Variants in EPHA3 observed in about 807,000 individuals in gnomAD.
EPHA3 encodes the protein ephrin type-A receptor 3.
In EPHA3, 42 loss-of-function variants were observed where a neutral mutation model predicts 107.1. The observed-to-expected ratio is 0.39, with a 90% CI of 0.31 to 0.51. EPHA3 has a LOEUF of 0.51. EPHA3 is among the 20% of genes least tolerant of loss of function. EPHA3 has a pLI of 0.78. For missense variants in EPHA3, 1,183 were observed against 1,211.2 expected (o/e 0.98, Z 0.35); for synonymous variants, 461 against 424.8 (o/e 1.09, Z -1.05).
intron 5 of EPHA3, among the ~76,000 whole-genome samples, chr3:89,347,919 A>T (rs577317046): frequency 6.6e-6 from 1 of 151,368 alleles, no homozygotes; most frequent in Admixed American, 6.6e-5. Context: ...GATTACATTT[A>T]TTGATTTGTG....
At chr3:89,397,830 G>A (rs2091719588) in intron 6 of EPHA3, among the ~76,000 whole-genome samples, 1 of 152,066 alleles carries the variant, frequency 6.6e-6, no homozygotes, top group Non-Finnish European at 1.5e-5. Context: ...TGATCCACCC[G>A]CCTGGGCCTC....
rs570521496 is a variant in EPHA3, at chr3:89,392,440, A to G, written c.1307-3397A>G. ...ACAACAAGAGTGAAACTCCATCGAA[A>G]AAAAAAAAACCTAGGCTATCAGGTC... On this transcript the variant is annotated intron_variant, in intron 5 of 16. Coordinates refer to ENST00000336596, the MANE Select transcript of EPHA3 (RefSeq NM_005233.6). Among the ~76,000 whole-genome samples, 201 of 152,126 alleles carry G rather than the reference A, an allele frequency of 1.3e-3. 2 individuals are homozygous for G. In the South Asian group the frequency reaches 0.021, roughly 16 times the overall value.
intron 1 of EPHA3, among the ~76,000 whole-genome samples, chr3:89,115,147 G>A (rs527503172): frequency 6.6e-6 from 1 of 152,058 alleles, no homozygotes; most frequent in South Asian, 2.1e-4. Flanking sequence ...CATACGCCCT[G>A]TTGTGCAGCT....
At position 89,435,679 on chromosome 3, in the gene EPHA3, G is replaced by A. The variant is rs183361543; in HGVS notation, c.2346+4320G>A. ...TGTATTAAAATAATATAGGACAGGT[G>A]CGGTGGCTCATGCCTGTAATCCCAG... On this transcript the variant is annotated intron_variant, in intron 13 of 16. Coordinates refer to ENST00000336596, the MANE Select transcript of EPHA3 (RefSeq NM_005233.6). Among the ~76,000 whole-genome samples the A allele has an allele frequency of 2.0e-5, 3 of 148,182 alleles. No individual in the cohort carries two copies. In the East Asian group the frequency reaches 5.9e-4, roughly 29 times the overall value.
At chr3:89,374,856 G>C (rs1197600541) in intron 5 of EPHA3, among the ~76,000 whole-genome samples, 3 of 151,628 alleles carry the variant, frequency 2.0e-5, no homozygotes, top group Non-Finnish European at 4.4e-5. Context: ...ACCCAACTTA[G>C]AGTAGACAGA....
At position 89,370,074 on chromosome 3, in the gene EPHA3, T is replaced by C. The variant is rs1388249800; in HGVS notation, c.1307-25763T>C. Among the ~76,000 whole-genome samples, 4 of 150,604 alleles carry C rather than the reference T, an allele frequency of 2.7e-5. 1 individual carries two copies. Among genetic ancestry groups the C allele is most frequent in the Non-Finnish European group, 5.9e-5 (4 of 67,406 alleles). ...AATGTTGGTGGGACTGTAAACTAGT[T>C]CAACCATTGTGGAAGTCAGTGTGGC... On this transcript the variant is annotated intron_variant, in intron 5 of 16. Coordinates refer to ENST00000336596, the MANE Select transcript of EPHA3 (RefSeq NM_005233.6).
At chr3:89,374,182 C>G (rs1376273506) in intron 5 of EPHA3, among the ~76,000 whole-genome samples, 2 of 151,828 alleles carry the variant, frequency 1.3e-5, no homozygotes, top group African/African-American at 4.8e-5. Context: ...CAAAAATACA[C>G]CAAGTATACC....
intron 3 of EPHA3, among the ~76,000 whole-genome samples, chr3:89,332,989 A>G (rs1196915669): frequency 6.6e-6 from 1 of 152,112 alleles, no homozygotes; most frequent in African/African-American, 2.4e-5. Flanking sequence ...CTTTCTTTCA[A>G]CAGTAGCCAC....
chr3:89,354,592 G>C (rs988869062), intron 5 of EPHA3, among the ~76,000 whole-genome samples: 1 of 151,030 alleles, frequency 6.6e-6, no homozygotes, highest in African/African-American at 2.4e-5. Context: ...ATAAGCAGGG[G>C]CCCTGACATT....
At chr3:89,177,288 G>A (rs1357675030) in intron 2 of EPHA3, among the ~76,000 whole-genome samples, 1 of 152,134 alleles carries the variant, frequency 6.6e-6, no homozygotes, top group Non-Finnish European at 1.5e-5. Context: ...ACACTTGTCT[G>A]GGTGTTGTGC....
chr3:89,215,534 T>C (rs1004128086), intron 3 of EPHA3, among the ~76,000 whole-genome samples: 22 of 152,030 alleles, frequency 1.4e-4, no homozygotes, highest in Admixed American at 1.1e-3. Flanking sequence ...AGACACAATG[T>C]AATTGCAAAC....
chr3:89,385,801 G>C (rs1203672726), intron 5 of EPHA3, among the ~76,000 whole-genome samples: 1 of 152,174 alleles, frequency 6.6e-6, no homozygotes. Context: ...CAAGAGACTT[G>C]GGAGGCTTAG....
intron 10 of EPHA3, among the ~76,000 whole-genome samples, chr3:89,418,724 A>G (rs1007657636): frequency 1.3e-5 from 2 of 151,468 alleles, no homozygotes; most frequent in Non-Finnish European, 3.0e-5. Flanking sequence ...AAATAAATTG[A>G]TAGCAGATGC....
intron 2 of EPHA3, among the ~76,000 whole-genome samples, chr3:89,159,302 C>T (rs542211471): frequency 1.4e-4 from 21 of 152,160 alleles, no homozygotes; most frequent in African/African-American, 1.9e-4. Flanking sequence ...GCATTGGAAA[C>T]CTGCTGAAGC....
intron 3 of EPHA3, among the ~76,000 whole-genome samples, chr3:89,309,124 AAG>A (rs1163199158): frequency 3.3e-5 from 5 of 152,272 alleles, no homozygotes; most frequent in Admixed American, 1.3e-4. Context: ...AGTGAAGAAA[AAG>A]AGCCTTTGGA....
rs111924124 is a variant in EPHA3 at position 89,371,721 on chromosome 3, T to TAC, written c.1307-24096_1307-24095dup. Among the ~76,000 whole-genome samples, 638 of 147,578 alleles carry TAC rather than the reference T, an allele frequency of 4.3e-3. 1 individual carries two copies. Among genetic ancestry groups the TAC allele is most frequent in the East Asian group, 0.01 (53 of 5,048 alleles). On this transcript the variant is annotated intron_variant, in intron 5 of 16. Coordinates refer to ENST00000336596, the MANE Select transcript of EPHA3 (RefSeq NM_005233.6). ...ATTGTACAAGGCACAGTGATACACATACACACACACACACACACACAACAC... is the reference window on the plus strand; with the variant it reads ...ATTGTACAAGGCACAGTGATACACATACACACACACACACACACACACAACAC...
At chr3:89,284,165 T>A (rs1559631960) in intron 3 of EPHA3, among the ~76,000 whole-genome samples, 1 of 152,190 alleles carries the variant, frequency 6.6e-6, no homozygotes, top group Non-Finnish European at 1.5e-5. Context: ...TGTTCTGGAT[T>A]ATGTAACACC....
intron 16 of EPHA3, among the ~76,000 whole-genome samples, chr3:89,475,140 AAG>A (rs780639230): frequency 6.6e-5 from 10 of 152,198 alleles, no homozygotes; most frequent in Non-Finnish European, 1.5e-4. Context: ...ATATTACAAA[AAG>A]AGAATTTATT....
At chr3:89,415,632 C>T (rs758785936) in intron 10 of EPHA3, among the ~76,000 whole-genome samples, 1 of 150,644 alleles carries the variant, frequency 6.6e-6, no homozygotes, top group African/African-American at 2.4e-5. Context: ...ATTAGCTTCC[C>T]ACAGTAGTAG....
Sources: gnomAD v4.1 joint callset for allele counts (sites outside exome capture counted in the v4.1 genomes callset) on GRCh38, gnomAD v4.1.1 for gene constraint, MANE v1.5 for transcripts, NCBI Gene and HGNC (gene_info 2026-07-23, HGNC 2026-07-21) for gene names.